Variants in ASPM observed in about 807,000 individuals in gnomAD.
ASPM encodes the protein assembly factor for spindle microtubules, also known as abnormal spindle-like microcephaly-associated protein.
ASPM carries 256 observed loss-of-function variants against 366.4 expected under a neutral mutation model. The ratio of observed to expected loss-of-function variants is 0.70; its 90% CI spans 0.63 to 0.77. The LOEUF is 0.77. Ranked by LOEUF, ASPM falls within the 30% of genes least tolerant of loss-of-function variation. The pLI, the probability that ASPM is intolerant of heterozygous loss-of-function variation, is 0.00. For missense variants in ASPM, 4,146 were observed against 4,090.4 expected (o/e 1.01, Z -0.37); for synonymous variants, 1,414 against 1,342.9 (o/e 1.05, Z -1.16).
In ASPM at chr1:197,105,317, TGA is replaced by T. The variant is rs1173522580; in HGVS notation, c.4066-134_4066-133del. On this transcript the variant is annotated intron_variant, in intron 17 of 27. Transcript: ENST00000367409. ...TGAATTAGAAAACTAATTATTTTTG[TGA>T]GATATTTGTCTCTTTTGTTTTTAGT... 1.1e-5 allele frequency: 8 copies of T among 760,846 alleles called. No homozygotes were observed. The East Asian group carries it at 2.2e-4, about 21-fold the overall frequency. The allele number at this position is 760,846 out of a possible 1,614,324, so 47.1% of individuals were successfully genotyped here. A position where few individuals can be genotyped will look rare whatever the true frequency, so the allele number is the denominator to read the frequency against.
In ASPM at chr1:197,143,768, A is replaced by C. The variant is rs745601080; in HGVS notation, c.484T>G (p.Ser162Ala). The C allele has an allele frequency of 1.2e-6, 2 of 1,612,178 alleles. No homozygotes were observed. Among genetic ancestry groups the C allele is most frequent in the Non-Finnish European group, 1.7e-6 (2 of 1,179,530 alleles). ...GAAACCCTTCTGTTGTGACTTGTAG[A>C]GGCTGAAATTTTCTTCTTTTTAATG... ...DTIKKKKISA[S>A]TSHNRRVSNI... The change falls in exon 3 of 28, where the codon TCT becomes GCT. Residue 162 changes from serine (S) to alanine (A), a missense_variant. By Grantham distance (99) the Ser-to-Ala change is moderately conservative. Coordinates refer to ENST00000367409, the MANE Select transcript of ASPM (RefSeq NM_018136.5).
chr1:197,091,029 C>T lies in ASPM; in HGVS notation c.9457G>A (p.Ala3153Thr). Residue 3153 changes from alanine to threonine, a missense_variant, in exon 23 of 28, where the codon GCA (alanine) becomes ACA (threonine). This residue lies in a region of ASPM where 3,624 missense variants were observed against 3,591.7 expected (regional missense o/e 1.01). Transcript: ENST00000367409. Reference protein sequence around the residue: ...SVICIQRWFRARLQEKRFIQK... With the variant: ...SVICIQRWFRTRLQEKRFIQK... ...ATAAATCTCTTTTCTTGTAATCTTG[C>T]TCGAAACCATCTCTGTTTAAAACAT... is the stretch of plus-strand genomic sequence containing the variant. 2 of 1,610,280 alleles carry T rather than the reference C, an allele frequency of 1.2e-6. No homozygotes were observed. Among genetic ancestry groups the T allele is most frequent in the Non-Finnish European group, 1.7e-6 (2 of 1,177,586 alleles).
In ASPM at chr1:197,094,091, AT is replaced by A. The variant is rs1188857327; in HGVS notation, c.9076del (p.Met3026Ter). On this transcript the variant is annotated frameshift_variant, in exon 20 of 28. Coordinates refer to ENST00000367409, the MANE Select transcript of ASPM (RefSeq NM_018136.5). LOFTEE classifies it high-confidence loss of function. ...TTAATTTTTAATACCTACTTTTATC[AT>A]TAAGAAGTGTTCATGAGCTATCTTT... ...PAKIAHEHFL[M>X]IKRHRAACLI... 1.3e-6 allele frequency: 2 copies of A among 1,574,064 alleles called. No individual in the cohort carries two copies. Among genetic ancestry groups the A allele is most frequent in the Non-Finnish European group, 1.7e-6 (2 of 1,149,466 alleles).
At chr1:197,144,124 A>G (rs765515514) in intron 1 of ASPM, 24 bp from the exon 2 acceptor site, 1 of 1,485,568 alleles carries the variant, frequency 6.7e-7, no homozygotes, top group Non-Finnish European at 9.4e-7. Flanking sequence ...AATACATTAT[A>G]TAATTACAAT....
At position 197,100,592 on chromosome 1, in the gene ASPM, C is replaced by T. The variant is rs370820270; in HGVS notation, c.8659G>A (p.Val2887Met). 1.2e-6 allele frequency: 2 copies of T among 1,611,832 alleles called. No homozygotes were observed. The highest frequency in any genetic ancestry group is 1.3e-5 in the African/African-American group (1 of 74,764). The change falls in exon 18 of 28, where the codon GTG becomes ATG. Residue 2887 changes from valine to methionine, a missense_variant. Around this residue, in one of 3 missense-constraint regions of ASPM, gnomAD observed 3,624 missense variants for 3,591.7 expected, o/e 1.01. Transcript: ENST00000367409. ...KQFLLYRKAA[V>M]VLQNHYRAFL... Reference sequence around the variant, plus strand: ...GCTCTGTAGTGATTTTGTAAAACCACTGCTGCTTTTCTATATAGTAAAAAC... The same window carrying T: ...GCTCTGTAGTGATTTTGTAAAACCATTGCTGCTTTTCTATATAGTAAAAAC...
chr1:197,092,078 A>G, intron 21 of ASPM, 22 bp from the exon 22 acceptor site: 1 of 1,610,112 alleles, frequency 6.2e-7, no homozygotes, highest in Non-Finnish European at 8.5e-7. Context: ...AAAACAAAGC[A>G]TATTCAAGTA....
intron 17 of ASPM, among the ~76,000 whole-genome samples, chr1:197,108,318 A>G (rs1657473442): frequency 6.6e-6 from 1 of 152,092 alleles, no homozygotes; most frequent in South Asian, 2.1e-4. Context: ...GAAGGACTCA[A>G]ATCAGTTACT....
Position 197,090,053 on chromosome 1 carries a change from A to T in ASPM, c.9861T>A (p.Cys3287Ter). Residue 3287 changes from cysteine to a stop codon, truncating the protein, a stop_gained, in exon 25 of 28, where the codon TGT becomes TGA. Coordinates refer to ENST00000367409, the MANE Select transcript of ASPM (RefSeq NM_018136.5). LOFTEE classifies it high-confidence loss of function. ...TTGCTCCACTCTGGGCCATGTTCTC[A>T]CAACAAAGTGGAGACAATCTAGTAA... ...EVVTRLSPLCCENMAQSGAIS... is the reference protein window; with the variant it reads ...EVVTRLSPLC The T allele has an allele frequency of 6.2e-7, 1 of 1,613,626 alleles. No individual in the cohort carries two copies. Among genetic ancestry groups the T allele is most frequent in the Non-Finnish European group, 8.5e-7 (1 of 1,179,692 alleles).
intron 22 of ASPM, among the ~76,000 whole-genome samples, chr1:197,091,479 T>A (rs1656785945): frequency 1.3e-5 from 2 of 151,888 alleles, no homozygotes; most frequent in African/African-American, 2.4e-5. Flanking sequence ...GAGAAAAAGA[T>A]GTTAAAAAAA....
chr1:197,088,432 A>G lies in ASPM; in HGVS notation c.9985T>C (p.Tyr3329His). The G allele has an allele frequency of 6.3e-7, 1 of 1,590,472 alleles. No individual in the cohort carries two copies. The highest frequency in any genetic ancestry group is 8.6e-7 in the Non-Finnish European group (1 of 1,161,394). ...TAAACTGCTGAAGTAGTTTTCTCAT[A>G]CTTGAAGAGAACAGAATGAAATTAA... ...AVQVLLNVSK[Y>H]EKTTSAVYDV... Residue 3329 changes from tyrosine (Y) to histidine (H), a missense_variant and splice_region_variant, in exon 26 of 28, where the codon TAT (tyrosine) becomes CAT (histidine). Physicochemically the swap from Tyr to His is moderately conservative, Grantham distance 83. Around this residue, in one of 3 missense-constraint regions of ASPM, gnomAD observed 3,624 missense variants for 3,591.7 expected, o/e 1.01. Transcript: ENST00000367409.
At position 197,104,476 on chromosome 1, in the gene ASPM, T is replaced by C. The variant is rs370852307; in HGVS notation, c.4775A>G (p.His1592Arg). The change falls in exon 18 of 28, where the codon CAT becomes CGT. Residue 1592 changes from histidine to arginine, a missense_variant. Physicochemically the swap from His to Arg is conservative, Grantham distance 29 (BLOSUM62 0). This residue lies in a region of ASPM where 3,624 missense variants were observed against 3,591.7 expected (regional missense o/e 1.01). Coordinates refer to ENST00000367409, the MANE Select transcript of ASPM (RefSeq NM_018136.5). ...CTGTCGTTGTTGATGTTTTCTTACA[T>C]GTGCCTGAAATTTGATAATAGTCTT... ...LKKTIIKFQA[H>R]VRKHQQRQKY... The C allele has an allele frequency of 8.7e-6, 14 of 1,612,680 alleles. No homozygotes were observed. Among genetic ancestry groups the C allele is most frequent in the Non-Finnish European group, 1.1e-5 (13 of 1,179,362 alleles).
rs763886024 is a variant in ASPM, at chr1:197,125,186, G to A, written c.2942C>T (p.Thr981Ile). The change falls in exon 11 of 28, where the codon ACC becomes ATC. Residue 981 changes from threonine (T) to isoleucine (I), a missense_variant. Coordinates refer to ENST00000367409, the MANE Select transcript of ASPM (RefSeq NM_018136.5). ...CCAGTTCTGTGTGAGAAGTTCCATG[G>A]TTCGCCTGGCAGTAATAAAATGTTC... ...DLQCGVRLVR[T>I]MELLTQNWDL... 2 of 1,613,768 alleles carry A rather than the reference G, an allele frequency of 1.2e-6. No homozygotes were observed. Among genetic ancestry groups the A allele is most frequent in the African/African-American group, 2.7e-5 (2 of 74,864 alleles).
intron 4 of ASPM, chr1:197,139,193 G>A (rs1658508134): frequency 8.2e-6 from 8 of 971,850 alleles, no homozygotes; most frequent in Admixed American, 7.3e-5. Context: ...CGAAGTCACA[G>A]TGATTTTCAT....
chr1:197,135,420 A>G (rs1658388098), intron 4 of ASPM, among the ~76,000 whole-genome samples, 178 bp from the exon 5 acceptor site: 1 of 152,184 alleles, frequency 6.6e-6, no homozygotes. Flanking sequence ...TCAGAGCAAA[A>G]TGGGGAAAAG....
rs138508558 is a variant in ASPM, at chr1:197,117,825, C to T, written c.4029G>A (p.Leu1343=). ...RKLLMLKKEK[L]EKVQNKAASL... ...ATGCTGCTTTATTTTGAACTTTTTC[C>T]AGCTTTTCCTTTTTTAACATTAATA... The change falls in exon 17 of 28, where the codon CTG becomes CTA. Residue 1343 remains leucine, a synonymous_variant. Transcript: ENST00000367409. 30 of 1,612,648 alleles carry T rather than the reference C, an allele frequency of 1.9e-5. No homozygotes were observed. In the East Asian group the frequency reaches 6.0e-4, roughly 32 times the overall value.
At chr1:197,142,299 A>C in intron 3 of ASPM, 32 bp downstream of exon 3, 3 of 1,603,724 alleles carry the variant, frequency 1.9e-6, no homozygotes, top group Non-Finnish European at 2.6e-6. Flanking sequence ...CTTTACAGGT[A>C]TACTTCAGTA....
In ASPM at chr1:197,101,393, GT is replaced by G; in HGVS notation, c.7857del (p.Lys2619AsnfsTer22). 1 of 1,608,232 alleles carries G rather than the reference GT, an allele frequency of 6.2e-7. No homozygotes were observed. ...QAGFQDMNIKKQIQEQHQAAI... is the reference protein window; with the variant it reads ...QAGFQDMNIKXQIQEQHQAAI... The stretch of plus-strand genomic sequence containing the variant: ...GCAGCCTGGTGCTGTTCCTGAATCT[GT>G]TTTTTTATGTTCATGTCCTGAAAAC... On this transcript the variant is annotated frameshift_variant, in exon 18 of 28. Transcript: ENST00000367409. LOFTEE classifies it high-confidence loss of function.
At chr1:197,120,895 T>G (rs546737293) in intron 16 of ASPM, among the ~76,000 whole-genome samples, 2 of 152,284 alleles carry the variant, frequency 1.3e-5, no homozygotes, top group South Asian at 4.1e-4. Context: ...AACTTTACTA[T>G]GAAGAGTTTG....
At chr1:197,129,098 T>G in intron 9 of ASPM, 89 bp downstream of exon 9, 1 of 1,478,234 alleles carries the variant, frequency 6.8e-7, no homozygotes, top group South Asian at 1.2e-5. Context: ...GAAAACTAAT[T>G]TTTTTTCTAA....
Sources: allele counts gnomAD v4.1 joint callset (sites outside exome capture counted in the v4.1 genomes callset), GRCh38; gene constraint gnomAD v4.1.1; regional missense constraint gnomAD v4.1.1; transcripts MANE v1.5; gene names NCBI Gene and HGNC (gene_info 2026-07-23, HGNC 2026-07-21).